The following TNFRSF8 variants were observed in gnomAD, a reference collection of about 807,000 sequenced individuals.
TNFRSF8 encodes the protein TNF receptor superfamily member 8.
A neutral mutation model predicts 70.8 loss-of-function variants in TNFRSF8; 26 were observed. That is an observed-to-expected ratio of 0.37 (90% CI 0.27 to 0.51). The LOEUF (loss-of-function observed/expected upper bound fraction) is 0.51, where lower values mean the gene tolerates loss of function less well. Ranked by LOEUF, TNFRSF8 falls within the 20% of genes least tolerant of loss-of-function variation. The pLI is 0.94. For synonymous variants in TNFRSF8, 356 were observed against 339.2 expected (o/e 1.05, Z -0.54); for missense variants, 720 against 807.9 (o/e 0.89, Z 1.32).
rs945615358 is a variant in TNFRSF8, at chr1:12,143,289, G to C, written c.*758G>C. On this transcript the variant is annotated 3_prime_UTR_variant, in exon 15 of 15. Transcript: ENST00000263932. The surrounding 1 kb of genome is among the most constrained non-coding windows in gnomAD (Gnocchi z 4.1). Reference sequence around the variant, plus strand: ...CCCACCAATCCCCGCCACAGCAGGCGCCTCGGGTCCCAGATGTCTGCAGCC... The same window carrying C: ...CCCACCAATCCCCGCCACAGCAGGCCCCTCGGGTCCCAGATGTCTGCAGCC... The C allele has an allele frequency of 6.6e-6, 1 of 152,366 alleles. No homozygotes were observed. Among genetic ancestry groups the C allele is most frequent in the African/African-American group, 2.4e-5 (1 of 41,456 alleles). The allele number at this position is 152,366 out of a possible 1,614,324, so 9.4% of individuals were successfully genotyped here. A position where few individuals can be genotyped will look rare whatever the true frequency, so the allele number is the denominator to read the frequency against.
intron 2 of TNFRSF8, among the ~76,000 whole-genome samples, chr1:12,096,317 C>G (rs1641329005): frequency 6.6e-6 from 1 of 151,662 alleles, no homozygotes; most frequent in Non-Finnish European, 1.5e-5. Flanking sequence ...GCAGGAGTGT[C>G]CAATCTTTCG....
intron 4 of TNFRSF8, among the ~76,000 whole-genome samples, chr1:12,107,648 G>C (rs925647444): frequency 2.0e-5 from 3 of 152,042 alleles, no homozygotes; most frequent in Admixed American, 2.0e-4. Context: ...TGTGTGACTC[G>C]CATATCTCTG....
At position 12,109,467 on chromosome 1, in the gene TNFRSF8, G is replaced by GC. The variant is rs1478588328; in HGVS notation, c.422-95dup. The GC allele has an allele frequency of 2.3e-5, 22 of 936,472 alleles. No homozygotes were observed. Among genetic ancestry groups the GC allele is most frequent in the Non-Finnish European group, 3.4e-5 (21 of 613,802 alleles). 58.0% of individuals were successfully genotyped at this position (936,472 alleles called of 1,614,324 possible). On this transcript the variant is annotated intron_variant, in intron 4 of 14. Transcript: ENST00000263932. This position sits in a 1 kb window ranked among gnomAD's most constrained non-coding sequence, Gnocchi z 4.4. ...CAGATGACTGCTGTGTTTTCCAAGG[G>GC]CCCCATCTCCGACTCTGGCCTGTGG...
chr1:12,111,888 C>T lies in TNFRSF8; in HGVS notation c.677-10C>T. 2 of 1,613,448 alleles carry T rather than the reference C, an allele frequency of 1.2e-6. No individual in the cohort carries two copies. Among genetic ancestry groups the T allele is most frequent in the Non-Finnish European group, 1.7e-6 (2 of 1,179,372 alleles). On this transcript the variant is annotated splice_polypyrimidine_tract_variant and intron_variant, in intron 6 of 14. Coordinates refer to ENST00000263932, the MANE Select transcript of TNFRSF8 (RefSeq NM_001243.5). Reference sequence around the variant, plus strand: ...GGCCTGGCCTGCAGCTTCTCTGCTTCTTTCCCCAGGTCTGTCCCCAACACA... The same window carrying T: ...GGCCTGGCCTGCAGCTTCTCTGCTTTTTTCCCCAGGTCTGTCCCCAACACA...
intron 1 of TNFRSF8, among the ~76,000 whole-genome samples, chr1:12,066,954 G>A (rs1640753083): frequency 6.6e-6 from 1 of 152,066 alleles, no homozygotes; most frequent in African/African-American, 2.4e-5. Context: ...TGCCCATCCT[G>A]AAGTTCTTTT....
At chr1:12,103,056 A>T (rs1303295292) in intron 3 of TNFRSF8, among the ~76,000 whole-genome samples, 2 of 152,078 alleles carry the variant, frequency 1.3e-5, no homozygotes, top group Non-Finnish European at 2.9e-5. Flanking sequence ...TCCTTTGTCC[A>T]TTAAAAAAAT....
intron 12 of TNFRSF8, among the ~76,000 whole-genome samples, chr1:12,127,178 A>G (rs539736920): frequency 1.7e-3 from 263 of 152,332 alleles, no homozygotes; most frequent in Non-Finnish European, 3.0e-3. Context: ...AAGGCAGGCC[A>G]GGGTCTTCCT....
intron 12 of TNFRSF8, among the ~76,000 whole-genome samples, chr1:12,129,899 C>T (rs1642015814): frequency 6.6e-6 from 1 of 152,110 alleles, no homozygotes; most frequent in Admixed American, 6.6e-5. Context: ...CCTTCATTTT[C>T]TCTATTTATT....
chr1:12,128,790 C>A (rs560485722), intron 12 of TNFRSF8, among the ~76,000 whole-genome samples: 167 of 151,214 alleles, frequency 1.1e-3, no homozygotes, highest in Non-Finnish European at 2.1e-3. Context: ...GCCATGTGGC[C>A]CCTGGGGAAA....
chr1:12,091,361 C>T (rs541597268), intron 2 of TNFRSF8, among the ~76,000 whole-genome samples: 173 of 152,306 alleles, frequency 1.1e-3, no homozygotes, highest in African/African-American at 4.0e-3. Flanking sequence ...GGCTTAATCC[C>T]TCTGGGGGCC....
At chr1:12,089,949 C>A (rs955386961) in intron 2 of TNFRSF8, among the ~76,000 whole-genome samples, 1 of 148,922 alleles carries the variant, frequency 6.7e-6, no homozygotes, top group Non-Finnish European at 1.5e-5. Context: ...CATCCATCTA[C>A]CCATCCACCC....
At chr1:12,133,702 T>C (rs1195377911) in intron 12 of TNFRSF8, among the ~76,000 whole-genome samples, 4 of 143,558 alleles carry the variant, frequency 2.8e-5, no homozygotes, top group Non-Finnish European at 6.0e-5. Context: ...ATCGCGCTGC[T>C]GCACTTCACC....
chr1:12,083,388 G>A (rs1000508661), intron 1 of TNFRSF8, among the ~76,000 whole-genome samples: 4 of 152,142 alleles, frequency 2.6e-5, no homozygotes, highest in African/African-American at 7.2e-5. Flanking sequence ...ACCAAAAAGT[G>A]GAATGTCTAT....
intron 1 of TNFRSF8, among the ~76,000 whole-genome samples, chr1:12,072,394 G>A (rs1640863733): frequency 6.6e-6 from 1 of 152,154 alleles, no homozygotes; most frequent in Non-Finnish European, 1.5e-5. Flanking sequence ...ACTGTCTGGG[G>A]CCTGCGGGAG....
chr1:12,101,157 G>T (rs1641417143), intron 3 of TNFRSF8, among the ~76,000 whole-genome samples: 1 of 152,146 alleles, frequency 6.6e-6, no homozygotes, highest in Non-Finnish European at 1.5e-5. Flanking sequence ...CGGCTTGGTG[G>T]CTGATGCCTG....
chr1:12,126,853 G>T (rs573573187), intron 12 of TNFRSF8, among the ~76,000 whole-genome samples: 1 of 152,238 alleles, frequency 6.6e-6, no homozygotes, highest in Non-Finnish European at 1.5e-5. Context: ...GCTGTTAAGC[G>T]CATCGTGGAG....
At chr1:12,067,330 C>T (rs1640760143) in intron 1 of TNFRSF8, among the ~76,000 whole-genome samples, 1 of 152,184 alleles carries the variant, frequency 6.6e-6, no homozygotes, top group Non-Finnish European at 1.5e-5. Context: ...CCAATTCCAG[C>T]CAGATGTAAG....
Position 12,121,615 on chromosome 1 carries a change from C to T in TNFRSF8, c.947-1669C>T, listed in dbSNP as rs77684741. Among the ~76,000 whole-genome samples the T allele has an allele frequency of 8.2e-3, 1,243 of 152,286 alleles. 10 individuals carry two copies. The highest frequency in any genetic ancestry group is 0.028 in the African/African-American group (1,145 of 41,558). On this transcript the variant is annotated intron_variant, in intron 8 of 14. Transcript: ENST00000263932. ...TTTCCTGGCTGTAGCTCCAGCCCTGCGGCTCTCTCCATCTGTAAAACAAGG... is the reference window on the plus strand; with the variant it reads ...TTTCCTGGCTGTAGCTCCAGCCCTGTGGCTCTCTCCATCTGTAAAACAAGG...
At chr1:12,076,964 C>G (rs968189846) in intron 1 of TNFRSF8, among the ~76,000 whole-genome samples, 1 of 152,078 alleles carries the variant, frequency 6.6e-6, no homozygotes, top group African/African-American at 2.4e-5. Flanking sequence ...TAATTTGGGA[C>G]AGGGTCTCAC....
Sources: allele counts gnomAD v4.1 joint callset (sites outside exome capture counted in the v4.1 genomes callset), GRCh38; gene constraint gnomAD v4.1.1; non-coding constraint Gnocchi (gnomAD v3.1); transcripts MANE v1.5; gene names NCBI Gene and HGNC (gene_info 2026-07-23, HGNC 2026-07-21).